BAZ2B: variants seen among roughly 807,000 people sequenced by gnomAD.
BAZ2B encodes bromodomain adjacent to zinc finger domain protein 2B.
Under a neutral mutation model 246.0 loss-of-function variants are expected in BAZ2B, and 91 were observed. That is an observed-to-expected ratio of 0.37 (90% CI 0.31 to 0.44). The LOEUF (loss-of-function observed/expected upper bound fraction) is 0.44, where lower values mean the gene tolerates loss of function less well. Among genes scored for constraint, BAZ2B ranks in the 20% least tolerant of loss-of-function variants. BAZ2B has a pLI of 1.00. For missense variants in BAZ2B, 2,332 were observed against 2,533.7 expected (o/e 0.92, Z 1.71); for synonymous variants, 855 against 860.0 (o/e 0.99, Z 0.10).
intron 1 of BAZ2B, among the ~76,000 whole-genome samples, chr2:159,610,243 C>CAGAAAG (rs1348991547): frequency 3.9e-5 from 6 of 152,152 alleles, no homozygotes; most frequent in African/African-American, 7.2e-5. Flanking sequence ...ACCTGACCTA[C>CAGAAAG]TAGAAGACTT....
chr2:159,663,810 C>T, the BAZ2B span, among the ~76,000 whole-genome samples: 1 of 150,496 alleles, frequency 6.6e-6, no homozygotes, highest in Non-Finnish European at 1.5e-5. Flanking sequence ...AGCCACCGGG[C>T]CCGGCTGCCT....
chr2:159,560,865 T>C lies in BAZ2B; in HGVS notation c.-45-5000A>G, dbSNP rs74991679. ...GCTAATCATTTCAAATACTGACTTC[T>C]TAAATTTGAAGATTATTATTCAGTA... On this transcript the variant is annotated intron_variant, in intron 1 of 36. Coordinates refer to ENST00000392783, the MANE Select transcript of BAZ2B (RefSeq NM_013450.4). Among the ~76,000 whole-genome samples, 216 of 152,248 alleles carry C rather than the reference T, an allele frequency of 1.4e-3. 7 individuals carry two copies. The East Asian group carries it at 0.041, about 29-fold the overall frequency.
the BAZ2B span, chr2:159,689,654 G>A: frequency 1.6e-5 from 5 of 308,206 alleles, no homozygotes; most frequent in Non-Finnish European, 2.4e-5. Flanking sequence ...TTAGAGGCAT[G>A]AGCCACTGTT....
chr2:159,482,135 C>CAA (rs35050934), intron 2 of BAZ2B, among the ~76,000 whole-genome samples: 441 of 143,702 alleles, frequency 3.1e-3, no homozygotes, highest in East Asian at 0.013. Flanking sequence ...AAAAAACAAA[C>CAA]AAAAAAAAAA....
At chr2:159,574,704 G>A (rs1357726287) in intron 1 of BAZ2B, among the ~76,000 whole-genome samples, 1 of 152,152 alleles carries the variant, frequency 6.6e-6, no homozygotes, top group Non-Finnish European at 1.5e-5. Flanking sequence ...ATGAAATGAA[G>A]GCTGGGCGCG....
chr2:159,709,179 C>A, the BAZ2B span, among the ~76,000 whole-genome samples: 1 of 150,466 alleles, frequency 6.6e-6, no homozygotes, highest in Non-Finnish European at 1.5e-5. Context: ...CTTGGCCAGG[C>A]GCGGTGGCTA....
chr2:159,444,545 T>A (rs1203161747), intron 6 of BAZ2B: 1 of 152,234 alleles, frequency 6.6e-6, no homozygotes, highest in Non-Finnish European at 1.5e-5. Context: ...TGTTCAGTTC[T>A]GTTTCATTTG....
intron 3 of BAZ2B, 83 bp from the exon 4 acceptor site, chr2:159,453,884 T>C: frequency 8.6e-7 from 1 of 1,163,276 alleles, no homozygotes; most frequent in Non-Finnish European, 1.1e-6. Context: ...TAGTTAAAAT[T>C]TATAATAATT....
intron 14 of BAZ2B, among the ~76,000 whole-genome samples, chr2:159,407,657 A>T (rs942036014): frequency 3.3e-5 from 5 of 152,304 alleles, no homozygotes; most frequent in African/African-American, 7.2e-5. Flanking sequence ...AGAAGAGATT[A>T]AAAAAGTCGA....
At chr2:159,533,030 T>C (rs1202095688) in intron 2 of BAZ2B, among the ~76,000 whole-genome samples, 3 of 152,166 alleles carry the variant, frequency 2.0e-5, no homozygotes, top group Non-Finnish European at 2.9e-5. Flanking sequence ...GACATGATAC[T>C]GGAGACAGAG....
At chr2:159,651,690 T>C in the BAZ2B span, among the ~76,000 whole-genome samples, 1 of 152,114 alleles carries the variant, frequency 6.6e-6, no homozygotes, top group African/African-American at 2.4e-5. Flanking sequence ...CCACAAAAGT[T>C]ACCCCACACC....
intron 2 of BAZ2B, among the ~76,000 whole-genome samples, chr2:159,540,326 T>A (rs781599090): frequency 3.3e-5 from 5 of 152,224 alleles, no homozygotes; most frequent in Non-Finnish European, 7.3e-5. Flanking sequence ...CAACTTTCCA[T>A]CTGATAGCTT....
At chr2:159,528,726 T>A (rs2085028859) in intron 2 of BAZ2B, among the ~76,000 whole-genome samples, 2 of 149,144 alleles carry the variant, frequency 1.3e-5, no homozygotes, top group East Asian at 2.0e-4. Context: ...GAAACAGCAA[T>A]CGATTGTAGA....
intron 2 of BAZ2B, among the ~76,000 whole-genome samples, chr2:159,529,748 T>C (rs2085173036): frequency 6.6e-6 from 1 of 152,340 alleles, no homozygotes; most frequent in Non-Finnish European, 1.5e-5. Flanking sequence ...CGCTGTTGTT[T>C]AGTACCTTAT....
the BAZ2B span, among the ~76,000 whole-genome samples, chr2:159,656,215 C>CA: frequency 5.3e-5 from 8 of 151,958 alleles, no homozygotes; most frequent in East Asian, 5.8e-4. Context: ...TGTAGTTTTA[C>CA]AAAAAAATAA....
chr2:159,473,804 T>A (rs1014053131), intron 3 of BAZ2B, among the ~76,000 whole-genome samples: 1 of 152,218 alleles, frequency 6.6e-6, no homozygotes, highest in Non-Finnish European at 1.5e-5. Context: ...ATTTCTGCCT[T>A]CATTTCATTA....
rs896683883 is a variant in BAZ2B at position 159,332,794 on chromosome 2, G to A, written c.5797-108C>T. 9.4e-6 allele frequency: 12 copies of A among 1,273,298 alleles called. No individual in the cohort carries two copies. In the Admixed American group the frequency reaches 1.8e-4, roughly 19 times the overall value. The allele number at this position is 1,273,298 out of a possible 1,614,324, so 78.9% of individuals were successfully genotyped here. ...AATTTATATTAGTAATGAACATTCCGCTTGCTTACAAATATACAGTAGCCA... is the reference window on the plus strand; with the variant it reads ...AATTTATATTAGTAATGAACATTCCACTTGCTTACAAATATACAGTAGCCA... On this transcript the variant is annotated intron_variant, in intron 33 of 36. Coordinates refer to ENST00000392783, the MANE Select transcript of BAZ2B (RefSeq NM_013450.4).
the BAZ2B span, among the ~76,000 whole-genome samples, chr2:159,662,450 C>T: frequency 6.6e-6 from 1 of 152,306 alleles, no homozygotes; most frequent in East Asian, 1.9e-4. Flanking sequence ...ACTTTACATA[C>T]CTGCCAGCAC....
At chr2:159,701,193 C>T in the BAZ2B span, among the ~76,000 whole-genome samples, 2 of 152,250 alleles carry the variant, frequency 1.3e-5, no homozygotes, top group African/African-American at 2.4e-5. Flanking sequence ...CTCAATGTCT[C>T]TAGTGTCTGA....
Sources: gnomAD v4.1 joint callset for allele counts (sites outside exome capture counted in the v4.1 genomes callset) on GRCh38, gnomAD v4.1.1 for gene constraint, MANE v1.5 for transcripts, NCBI Gene and HGNC (gene_info 2026-07-23, HGNC 2026-07-21) for gene names.